Variants in COL13A1 observed in about 807,000 individuals in gnomAD.
COL13A1 encodes collagen alpha-1(XIII) chain.
Under a neutral mutation model 130.9 loss-of-function variants are expected in COL13A1, and 89 were observed. That is an observed-to-expected ratio of 0.68 (90% CI 0.57 to 0.81). The LOEUF (loss-of-function observed/expected upper bound fraction) is 0.81. Ranked by LOEUF, COL13A1 falls within the 30% of genes least tolerant of loss-of-function variation. The pLI, the probability that COL13A1 is intolerant of heterozygous loss-of-function variation, is 0.00. For synonymous variants in COL13A1, 402 were observed against 341.6 expected, an observed-to-expected ratio of 1.18 and a Z score of -1.95; for missense variants, 879 against 934.6, an observed-to-expected ratio of 0.94 and a Z score of 0.78.
intron 31 of COL13A1, among the ~76,000 whole-genome samples, chr10:69,934,030 T>C (rs2066503506): frequency 1.3e-5 from 2 of 152,246 alleles, no homozygotes; most frequent in African/African-American, 4.8e-5. Flanking sequence ...ATCATAAGCA[T>C]ATACATATAT....
chr10:69,893,702 C>T (rs763272337), intron 10 of COL13A1, among the ~76,000 whole-genome samples: 10 of 152,246 alleles, frequency 6.6e-5, no homozygotes, highest in African/African-American at 2.2e-4. Context: ...GGACCTTGGC[C>T]GTCAGACAAA....
At chr10:69,889,588 C>G in intron 10 of COL13A1, 148 bp downstream of exon 10, 3 of 1,006,612 alleles carry the variant, frequency 3.0e-6, no homozygotes, top group Non-Finnish European at 4.5e-6. Context: ...AACCACATGC[C>G]CTGGATCCTC....
chr10:69,848,182 G>A (rs1853676529), intron 2 of COL13A1, among the ~76,000 whole-genome samples: 1 of 152,232 alleles, frequency 6.6e-6, no homozygotes, highest in Admixed American at 6.5e-5. Flanking sequence ...CTGCCAGGAA[G>A]ATGGATCAGA....
In COL13A1 at chr10:69,930,477, G is replaced by T. The variant is rs1271606723; in HGVS notation, c.1608G>T (p.Val536=). ...GPPGKDGPPG[V]KGENGHPGSP... Reference sequence around the variant, plus strand: ...CAGGAAAGGATGGACCTCCAGGAGTGAAGGGAGAAAACGGGCACCCAGGGA... The same window carrying T: ...CAGGAAAGGATGGACCTCCAGGAGTTAAGGGAGAAAACGGGCACCCAGGGA... The change falls in exon 30 of 41, where the codon GTG becomes GTT. Residue 536 remains valine (V), a synonymous_variant. Transcript: ENST00000645393. The T allele has an allele frequency of 6.2e-7, 1 of 1,613,932 alleles. No individual in the cohort carries two copies. Among genetic ancestry groups the T allele is most frequent in the African/African-American group, 1.3e-5 (1 of 75,054 alleles).
intron 37 of COL13A1, 73 bp downstream of exon 37, chr10:69,945,797 G>C (rs1023447158): frequency 1.3e-6 from 2 of 1,547,732 alleles, no homozygotes; most frequent in African/African-American, 2.7e-5. Context: ...GGCCGGCCGG[G>C]CATGGTGGCT....
intron 35 of COL13A1, 70 bp from the exon 36 acceptor site, chr10:69,944,055 C>T (rs2068067243): frequency 7.6e-6 from 10 of 1,313,722 alleles, no homozygotes; most frequent in Non-Finnish European, 9.9e-6. Context: ...CATCTCTAGG[C>T]ATCAGGTGGG....
At chr10:69,866,762 G>A (rs1346305064) in intron 2 of COL13A1, among the ~76,000 whole-genome samples, 1 of 152,196 alleles carries the variant, frequency 6.6e-6, no homozygotes, top group Non-Finnish European at 1.5e-5. Context: ...TGGTGACCAG[G>A]GCAGAGAAGC....
chr10:69,911,035 C>T (rs1368222298), intron 17 of COL13A1, among the ~76,000 whole-genome samples: 3 of 152,216 alleles, frequency 2.0e-5, no homozygotes, highest in South Asian at 4.1e-4. Context: ...GCAGCTACCC[C>T]TCCTGGAGGC....
intron 2 of COL13A1, among the ~76,000 whole-genome samples, chr10:69,852,556 G>C (rs1362516512): frequency 6.6e-6 from 1 of 152,266 alleles, no homozygotes; most frequent in African/African-American, 2.4e-5. Flanking sequence ...GATATATCGA[G>C]CAATGGCTCA....
rs575235536 is a variant in COL13A1, at chr10:69,832,325, G to A, written c.364+9887G>A. On this transcript the variant is annotated intron_variant, in intron 2 of 40. Transcript: ENST00000645393. ...ATGTGGGATTTGTCACAGGTTTAGG[G>A]GCCTTAGTTGGAATCCCAGCTCTCT... 2.6e-5 allele frequency among the ~76,000 whole-genome samples: 4 copies of A among 152,244 alleles called. No individual in the cohort carries two copies. The South Asian group carries it at 8.3e-4, about 32-fold the overall frequency.
intron 7 of COL13A1, among the ~76,000 whole-genome samples, chr10:69,881,049 C>T (rs2060090453): frequency 6.6e-6 from 1 of 152,216 alleles, no homozygotes; most frequent in African/African-American, 2.4e-5. Flanking sequence ...CACTAGCACC[C>T]TCCACCCCGT....
intron 2 of COL13A1, chr10:69,860,783 G>A (rs1002921433): frequency 1.3e-4 from 30 of 224,826 alleles, no homozygotes; most frequent in African/African-American, 6.7e-4. Flanking sequence ...TGGGACTCTG[G>A]CATCAAGGGA....
intron 35 of COL13A1, 52 bp downstream of exon 35, chr10:69,941,075 C>CTG (rs1438169925): frequency 3.7e-6 from 6 of 1,612,948 alleles, no homozygotes; most frequent in Non-Finnish European, 5.1e-6. Flanking sequence ...CACACCTGGC[C>CTG]TGTGATCCCT....
intron 38 of COL13A1, among the ~76,000 whole-genome samples, chr10:69,951,962 T>C (rs186544459): frequency 6.6e-6 from 1 of 152,314 alleles, no homozygotes; most frequent in East Asian, 1.9e-4. Flanking sequence ...TGCAAATTCA[T>C]TACAGAAGTG....
intron 7 of COL13A1, among the ~76,000 whole-genome samples, chr10:69,881,074 GA>G (rs1383918240): frequency 6.6e-6 from 1 of 152,246 alleles, no homozygotes; most frequent in African/African-American, 2.4e-5. Context: ...GGGAGCTTGA[GA>G]AAACCAGCGA....
chr10:69,943,952 C>G (rs896463941), intron 35 of COL13A1, among the ~76,000 whole-genome samples, 173 bp from the exon 36 acceptor site: 13 of 152,330 alleles, frequency 8.5e-5, no homozygotes, highest in Admixed American at 8.5e-4. Context: ...CCCCAACAGC[C>G]CCTGAACCCA....
At chr10:69,919,200 G>T in intron 20 of COL13A1, 112 bp downstream of exon 20, 1 of 1,401,670 alleles carries the variant, frequency 7.1e-7, no homozygotes, top group Non-Finnish European at 1.0e-6. Context: ...CCTGGGACTG[G>T]GGACCTGGCT....
In COL13A1 at chr10:69,958,996, A is replaced by G. The variant is rs1296982394; in HGVS notation, c.*295A>G. 2.6e-6 allele frequency: 1 copy of G among 384,772 alleles called. No homozygotes were observed. The highest frequency in any genetic ancestry group is 4.7e-6 in the Non-Finnish European group (1 of 213,882). 23.8% of individuals were successfully genotyped at this position (384,772 alleles called of 1,614,324 possible). ...AATAAATTATTGTGTCCTGGTGCCA[A>G]AGGGGGCCAGCCAGAACTGAGGTGC... On this transcript the variant is annotated 3_prime_UTR_variant, in exon 41 of 41. Transcript: ENST00000645393.
chr10:69,934,899 A>G (rs1388623468), intron 31 of COL13A1, among the ~76,000 whole-genome samples: 1 of 152,192 alleles, frequency 6.6e-6, no homozygotes, highest in Non-Finnish European at 1.5e-5. Context: ...TACAAGGGTC[A>G]GGCCTGCAAA....
Sources: gnomAD v4.1 joint callset for allele counts (sites outside exome capture counted in the v4.1 genomes callset) on GRCh38, gnomAD v4.1.1 for gene constraint, MANE v1.5 for transcripts, NCBI Gene and HGNC (gene_info 2026-07-23, HGNC 2026-07-21) for gene names.